AGBL4: variants seen among roughly 807,000 people sequenced by gnomAD.
AGBL4 encodes AGBL carboxypeptidase 4, also known as cytosolic carboxypeptidase 6.
AGBL4 carries 58 observed loss-of-function variants against 66.4 expected under a neutral mutation model. The ratio of observed to expected loss-of-function variants is 0.87; its 90% CI spans 0.71 to 1.09. The LOEUF (loss-of-function observed/expected upper bound fraction) is 1.09, where lower values mean the gene tolerates loss of function less well. Ranked by LOEUF, AGBL4 falls within the 50% of genes least tolerant of loss-of-function variation. AGBL4 has a pLI of 0.00. For missense variants in AGBL4, 579 were observed against 631.0 expected (o/e 0.92, Z 0.88); for synonymous variants, 234 against 222.9 (o/e 1.05, Z -0.44).
intron 3 of AGBL4, among the ~76,000 whole-genome samples, chr1:49,587,020 G>T (rs1018139006): frequency 6.6e-6 from 1 of 151,932 alleles, no homozygotes; most frequent in Non-Finnish European, 1.5e-5. Flanking sequence ...ACTTTGAGTG[G>T]ATCACCTGAG....
chr1:49,851,255 A>G, intron 2 of AGBL4, 141 bp downstream of exon 2: 1 of 971,136 alleles, frequency 1.0e-6, no homozygotes, highest in East Asian at 3.2e-5. Context: ...TTCCTTCAAA[A>G]TTTTTTCCCA....
chr1:48,624,044 T>A (rs781707032), intron 9 of AGBL4, among the ~76,000 whole-genome samples: 22 of 152,100 alleles, frequency 1.4e-4, no homozygotes, highest in Non-Finnish European at 3.1e-4. Flanking sequence ...GTAAATTGAA[T>A]AGATATCAGC....
chr1:49,794,949 A>G (rs1240109605), intron 2 of AGBL4, among the ~76,000 whole-genome samples: 1 of 152,002 alleles, frequency 6.6e-6, no homozygotes, highest in Non-Finnish European at 1.5e-5. Context: ...TGTTAGGCAT[A>G]GCACTAGATG....
intron 5 of AGBL4, among the ~76,000 whole-genome samples, chr1:49,009,252 C>A (rs1270618241): frequency 6.6e-6 from 1 of 152,146 alleles, no homozygotes; most frequent in East Asian, 1.9e-4. Context: ...ACAAACACCT[C>A]TACGCAAATA....
intron 4 of AGBL4, among the ~76,000 whole-genome samples, chr1:49,147,556 C>T (rs1041559160): frequency 6.6e-6 from 1 of 152,134 alleles, no homozygotes; most frequent in Non-Finnish European, 1.5e-5. Context: ...ATAAAGGTCT[C>T]TGAATTTCCA....
chr1:48,620,206 G>A (rs1452926230), intron 9 of AGBL4, among the ~76,000 whole-genome samples: 1 of 152,144 alleles, frequency 6.6e-6, no homozygotes, highest in African/African-American at 2.4e-5. Flanking sequence ...ATGGGGATGG[G>A]GAGTGGCCAG....
intron 3 of AGBL4, among the ~76,000 whole-genome samples, chr1:49,338,413 C>T (rs1339905855): frequency 6.6e-6 from 1 of 152,194 alleles, no homozygotes; most frequent in African/African-American, 2.4e-5. Flanking sequence ...TTTCCTTCAT[C>T]GTCATAAGAT....
chr1:49,966,924 T>C (rs1657612634), intron 1 of AGBL4, among the ~76,000 whole-genome samples: 1 of 152,174 alleles, frequency 6.6e-6, no homozygotes, highest in South Asian at 2.1e-4. Flanking sequence ...TTTGGGTTGG[T>C]TCCAAGTCTT....
At chr1:49,545,510 T>C (rs1424597382) in intron 3 of AGBL4, among the ~76,000 whole-genome samples, 2 of 152,188 alleles carry the variant, frequency 1.3e-5, no homozygotes, top group Non-Finnish European at 2.9e-5. Flanking sequence ...CTATATGTTG[T>C]TTAATCCGTT....
At chr1:49,582,817 T>A (rs1376599873) in intron 3 of AGBL4, among the ~76,000 whole-genome samples, 1 of 152,212 alleles carries the variant, frequency 6.6e-6, no homozygotes, top group East Asian at 1.9e-4. Flanking sequence ...GATTTTCTCC[T>A]GGTCCCTAGC....
intron 6 of AGBL4, among the ~76,000 whole-genome samples, chr1:48,797,604 T>C (rs941136618): frequency 1.3e-5 from 2 of 152,132 alleles, no homozygotes; most frequent in Non-Finnish European, 2.9e-5. Flanking sequence ...TACCACATTA[T>C]CTTTTTTTTT....
intron 6 of AGBL4, among the ~76,000 whole-genome samples, chr1:48,755,185 T>TGC (rs1652356564): frequency 6.6e-6 from 1 of 152,148 alleles, no homozygotes; most frequent in Non-Finnish European, 1.5e-5. Context: ...CTTTCCAAGG[T>TGC]GCGCCATTAC....
At chr1:49,069,197 T>C (rs1343887536) in intron 4 of AGBL4, among the ~76,000 whole-genome samples, 2 of 152,216 alleles carry the variant, frequency 1.3e-5, no homozygotes, top group African/African-American at 4.8e-5. Flanking sequence ...TTCAGTCTGA[T>C]GGTAGTTTCT....
chr1:50,011,509 G>A (rs565849272), intron 1 of AGBL4, among the ~76,000 whole-genome samples: 28 of 152,326 alleles, frequency 1.8e-4, no homozygotes, highest in Admixed American at 1.2e-3. Flanking sequence ...AGCTACCTAT[G>A]ATCCAGCAAT....
intron 3 of AGBL4, among the ~76,000 whole-genome samples, chr1:49,304,746 A>C (rs900698164): frequency 2.0e-5 from 3 of 152,206 alleles, no homozygotes; most frequent in Admixed American, 2.0e-4. Context: ...TATTACTAAA[A>C]ATATTTACAA....
chr1:49,208,325 G>A (rs568072947), intron 4 of AGBL4, among the ~76,000 whole-genome samples: 32 of 152,100 alleles, frequency 2.1e-4, no homozygotes, highest in African/African-American at 7.5e-4. Flanking sequence ...TAATGATTCT[G>A]ATGATTTTTA....
At chr1:49,256,262 T>C (rs79845644) in intron 3 of AGBL4, among the ~76,000 whole-genome samples, 2,960 of 152,248 alleles carry the variant, frequency 0.019, 104 homozygotes, top group African/African-American at 0.068. Flanking sequence ...TCTATACATA[T>C]ATCAAAACAT....
chr1:48,651,142 T>C (rs1334941021), intron 8 of AGBL4, among the ~76,000 whole-genome samples: 3 of 152,230 alleles, frequency 2.0e-5, no homozygotes, highest in Non-Finnish European at 4.4e-5. Context: ...CATTAATGCT[T>C]CTGGTTAGAG....
intron 3 of AGBL4, among the ~76,000 whole-genome samples, chr1:49,610,879 G>C (rs1645142936): frequency 6.6e-6 from 1 of 152,178 alleles, no homozygotes; most frequent in Non-Finnish European, 1.5e-5. Context: ...ATCACTCGGG[G>C]TCTGGCTGGA....
Sources: gnomAD v4.1 joint callset for allele counts (sites outside exome capture counted in the v4.1 genomes callset) on GRCh38, gnomAD v4.1.1 for gene constraint, MANE v1.5 for transcripts, NCBI Gene and HGNC (gene_info 2026-07-23, HGNC 2026-07-21) for gene names.